Variants in PDE4D observed in about 807,000 individuals in gnomAD.
PDE4D encodes the protein phosphodiesterase 4D.
In PDE4D, 24 loss-of-function variants were observed where a neutral mutation model predicts 87.4. The ratio of observed to expected loss-of-function variants is 0.27; its 90% CI spans 0.20 to 0.39. The LOEUF (loss-of-function observed/expected upper bound fraction) is 0.39. PDE4D is among the 10% of genes least tolerant of loss of function. The pLI, the probability that PDE4D is intolerant of heterozygous loss-of-function variation, is 1.00. For missense variants in PDE4D, 714 were observed against 1,041.0 expected (o/e 0.69, Z 4.32); for synonymous variants, 384 against 383.2 (o/e 1.00, Z -0.02).
chr5:59,361,191 T>G (rs149405575), intron 1 of PDE4D, among the ~76,000 whole-genome samples: 1 of 152,232 alleles, frequency 6.6e-6, no homozygotes, highest in Non-Finnish European at 1.5e-5. Context: ...AAAGAAATCA[T>G]GGAGGAAGAA....
Position 60,099,104 on chromosome 5 carries a change from T to C in PDE4D, c.42+86453A>G, listed in dbSNP as rs181563188. Among the ~76,000 whole-genome samples, 1,012 of 152,056 alleles carry C rather than the reference T, an allele frequency of 6.7e-3. 9 individuals are homozygous for C. The highest frequency in any genetic ancestry group is 0.01 in the Non-Finnish European group (697 of 67,844). ...TTATGTGGCAGTTTTGTTTTTCTTT[T>C]AGTACTCCAAATACATCATTCCACT... On this transcript the variant is annotated intron_variant, in intron 2 of 16. Coordinates refer to the PDE4D transcript ENST00000502484.
At chr5:59,909,618 C>G (rs1339784732) in intron 3 of PDE4D, among the ~76,000 whole-genome samples, 1 of 152,144 alleles carries the variant, frequency 6.6e-6, no homozygotes, top group East Asian at 1.9e-4. Context: ...CACCTGGACT[C>G]AAGCAATCCA....
chr5:60,059,554 G>C (rs3857299), intron 2 of PDE4D, among the ~76,000 whole-genome samples: 21,347 of 151,936 alleles, frequency 0.14, 1,552 homozygotes, highest in Middle Eastern at 0.22. Context: ...ACATGAAATA[G>C]AGTCAACCAC....
chr5:60,455,134 C>T (rs1746374994), intron 1 of PDE4D, among the ~76,000 whole-genome samples: 4 of 152,056 alleles, frequency 2.6e-5, no homozygotes, highest in African/African-American at 9.7e-5. Flanking sequence ...TTCTTGCATG[C>T]ATTTTTTGCA....
chr5:59,417,076 C>T (rs929372494), intron 1 of PDE4D, among the ~76,000 whole-genome samples: 1 of 152,112 alleles, frequency 6.6e-6, no homozygotes, highest in Non-Finnish European at 1.5e-5. Context: ...TTCTACTTTA[C>T]TCCTTTTTAA....
chr5:60,193,635 G>A (rs1300518908), intron 1 of PDE4D, among the ~76,000 whole-genome samples: 3 of 116,912 alleles, frequency 2.6e-5, no homozygotes, highest in Admixed American at 1.2e-4. Flanking sequence ...TTGCGCCACT[G>A]CACTCCAGCC....
chr5:59,863,903 C>T (rs1746643795), intron 1 of PDE4D, among the ~76,000 whole-genome samples: 1 of 152,104 alleles, frequency 6.6e-6, no homozygotes, highest in South Asian at 2.1e-4. Context: ...TCCAAAAGAA[C>T]TTCAAGGATG....
intron 6 of PDE4D, among the ~76,000 whole-genome samples, chr5:59,023,400 G>A (rs986845687): frequency 2.6e-4 from 39 of 150,908 alleles, no homozygotes; most frequent in African/African-American, 9.3e-4. Context: ...GGAGGCCAAG[G>A]CAGGAGGATC....
chr5:60,096,095 T>C (rs917970231), intron 2 of PDE4D, among the ~76,000 whole-genome samples: 1 of 152,180 alleles, frequency 6.6e-6, no homozygotes, highest in Non-Finnish European at 1.5e-5. Context: ...CTCTTTAGTT[T>C]AATTAGATCC....
At chr5:59,367,090 C>G (rs1158934229) in intron 1 of PDE4D, among the ~76,000 whole-genome samples, 2 of 152,214 alleles carry the variant, frequency 1.3e-5, no homozygotes, top group African/African-American at 4.8e-5. Context: ...ATCTCAGATT[C>G]AGACTATCGA....
In PDE4D at chr5:59,893,319, C is replaced by T. The variant is rs1561828391; in HGVS notation, c.304G>A (p.Gly102Ser). 6.6e-7 allele frequency: 1 copy of T among 1,520,736 alleles called. No homozygotes were observed. The highest frequency in any genetic ancestry group is 8.8e-7 in the Non-Finnish European group (1 of 1,132,538). 94.2% of individuals were successfully genotyped at this position (1,520,736 alleles called of 1,614,324 possible). A position where few individuals can be genotyped will look rare whatever the true frequency, so the allele number is the denominator to read the frequency against. ...GAGTAGCCGCGATGCCGGACGCGGC[C>T]GGTGGCCCCGCTCGAGGCGTAGCGG... ...RGRYASSGAT[G>S]RVRHRGYSDT... Residue 102 changes from glycine to serine, a missense_variant, in exon 1 of 15, where the codon GGC (glycine) becomes AGC (serine). By Grantham distance (56) the Gly-to-Ser change is moderately conservative. Coordinates refer to ENST00000340635, the MANE Select transcript of PDE4D (RefSeq NM_001104631.2).
At chr5:59,091,054 T>C in intron 5 of PDE4D, 1 of 433,000 alleles carries the variant, frequency 2.3e-6, no homozygotes, top group Admixed American at 2.6e-5. Flanking sequence ...AATTCAAATA[T>C]CTACTAAACA....
intron 1 of PDE4D, among the ~76,000 whole-genome samples, chr5:60,220,480 C>A (rs796306585): frequency 6.6e-6 from 1 of 152,214 alleles, no homozygotes; most frequent in Non-Finnish European, 1.5e-5. Context: ...TGCCTGAGTT[C>A]TTCACCCAAC....
At chr5:59,644,755 C>T (rs1280785957) in intron 1 of PDE4D, among the ~76,000 whole-genome samples, 1 of 152,162 alleles carries the variant, frequency 6.6e-6, no homozygotes, top group Non-Finnish European at 1.5e-5. Context: ...CTCAGCTTCT[C>T]GAGGACTATG....
intron 1 of PDE4D, among the ~76,000 whole-genome samples, chr5:59,309,494 A>C (rs551976094): frequency 2.0e-5 from 3 of 152,166 alleles, no homozygotes; most frequent in Non-Finnish European, 4.4e-5. Context: ...AGCTCCAGGT[A>C]AAGTCAGAAA....
intron 1 of PDE4D, among the ~76,000 whole-genome samples, chr5:59,838,045 C>G (rs1214752824): frequency 6.6e-6 from 1 of 151,884 alleles, no homozygotes; most frequent in African/African-American, 2.4e-5. Flanking sequence ...AGTTAGAATG[C>G]TAGAATAATG....
At chr5:59,149,187 G>A in intron 5 of PDE4D, among the ~76,000 whole-genome samples, 1 of 152,080 alleles carries the variant, frequency 6.6e-6, no homozygotes, top group East Asian at 1.9e-4. Context: ...GGAAGAACCA[G>A]GTGGTTAAGG....
chr5:59,992,028 A>G lies in PDE4D; in HGVS notation c.43-3311T>C, dbSNP rs2572068. On this transcript the variant is annotated intron_variant, in intron 2 of 16. Transcript: ENST00000502484. ...CTGCAAGCACAGCTGGGTTAAAAGC[A>G]GGCAGAGAAACATGGAAGGACTGGA... is the stretch of plus-strand genomic sequence containing the variant. 4.9e-3 allele frequency among the ~76,000 whole-genome samples: 750 copies of G among 152,304 alleles called. 23 individuals are homozygous for G. The East Asian group carries it at 0.094, about 19-fold the overall frequency.
chr5:59,404,843 G>C (rs2153615980), intron 1 of PDE4D, among the ~76,000 whole-genome samples: 1 of 152,254 alleles, frequency 6.6e-6, no homozygotes, highest in Middle Eastern at 3.4e-3. Flanking sequence ...TAGATATCCA[G>C]TTTTCCCAGA....
Sources: allele counts gnomAD v4.1 joint callset (sites outside exome capture counted in the v4.1 genomes callset), GRCh38; gene constraint gnomAD v4.1.1; transcripts MANE v1.5; gene names NCBI Gene and HGNC (gene_info 2026-07-23, HGNC 2026-07-21).